ANKS1B: variants seen among roughly 807,000 people sequenced by gnomAD.
ANKS1B encodes ankyrin repeat and sterile alpha motif domain containing 1B, also known as ankyrin repeat and sterile alpha motif domain-containing protein 1B.
A neutral mutation model predicts 148.3 loss-of-function variants in ANKS1B; 36 were observed. The observed-to-expected ratio is 0.24, with a 90% CI of 0.19 to 0.32. The LOEUF (loss-of-function observed/expected upper bound fraction) is 0.32. Among genes scored for constraint, ANKS1B ranks in the 10% least tolerant of loss-of-function variants. The probability of loss-of-function intolerance (pLI) is 1.00; values close to 1 mark genes in which losing one functional copy is unlikely to be tolerated. For missense variants in ANKS1B, 1,157 were observed against 1,542.6 expected (o/e 0.75, Z 4.19); for synonymous variants, 542 against 560.8 (o/e 0.97, Z 0.47).
chr12:99,046,752 T>C (rs1433065829), intron 17 of ANKS1B, among the ~76,000 whole-genome samples: 1 of 147,636 alleles, frequency 6.8e-6, no homozygotes, highest in Non-Finnish European at 1.5e-5. Context: ...TGAGCAGAGA[T>C]TGCAGAGATT....
At chr12:99,328,368 A>G (rs2086881009) in intron 12 of ANKS1B, among the ~76,000 whole-genome samples, 1 of 151,956 alleles carries the variant, frequency 6.6e-6, no homozygotes, top group African/African-American at 2.4e-5. Context: ...TCGAATATTC[A>G]GTGCATGCAT....
chr12:99,198,990 C>T (rs2081729706), intron 14 of ANKS1B, among the ~76,000 whole-genome samples: 1 of 152,116 alleles, frequency 6.6e-6, no homozygotes, highest in Non-Finnish European at 1.5e-5. Flanking sequence ...GACACTCGAG[C>T]GGTCCTGTGG....
At chr12:98,798,668 C>A (rs766901883) in intron 22 of ANKS1B, among the ~76,000 whole-genome samples, 1 of 151,736 alleles carries the variant, frequency 6.6e-6, no homozygotes, top group African/African-American at 2.4e-5. Context: ...TTTCTAATCT[C>A]GAAAATGATA....
chr12:98,894,222 G>T (rs1044478460), intron 17 of ANKS1B, among the ~76,000 whole-genome samples: 1 of 152,162 alleles, frequency 6.6e-6, no homozygotes, highest in Non-Finnish European at 1.5e-5. Flanking sequence ...CAGCGCACCT[G>T]GAAATTACGT....
At chr12:99,510,567 T>G (rs1039776935) in intron 9 of ANKS1B, among the ~76,000 whole-genome samples, 2 of 151,974 alleles carry the variant, frequency 1.3e-5, no homozygotes, top group Non-Finnish European at 2.9e-5. Context: ...ATGATAAAAC[T>G]TGAATGGATG....
intron 14 of ANKS1B, among the ~76,000 whole-genome samples, chr12:99,199,292 A>G (rs2153895597): frequency 6.6e-6 from 1 of 152,370 alleles, no homozygotes; most frequent in Middle Eastern, 3.4e-3. Flanking sequence ...ACATGCAGCA[A>G]TAGATAACTA....
intron 12 of ANKS1B, among the ~76,000 whole-genome samples, chr12:99,249,238 A>G (rs1364667097): frequency 6.7e-6 from 1 of 150,152 alleles, no homozygotes; most frequent in Non-Finnish European, 1.5e-5. Context: ...CTATTGTGGG[A>G]AAAAGATTCT....
intron 1 of ANKS1B, among the ~76,000 whole-genome samples, chr12:99,934,026 G>A (rs2094693728): frequency 6.6e-6 from 1 of 152,000 alleles, no homozygotes; most frequent in Non-Finnish European, 1.5e-5. Context: ...CTAATGAAAT[G>A]ATCATATAGT....
At chr12:98,906,270 C>G (rs1052911076) in intron 17 of ANKS1B, among the ~76,000 whole-genome samples, 1 of 151,968 alleles carries the variant, frequency 6.6e-6, no homozygotes, top group Non-Finnish European at 1.5e-5. Context: ...CCCTGCAGGT[C>G]TGCTATATTG....
At chr12:98,876,664 G>C (rs748558714) in intron 17 of ANKS1B, among the ~76,000 whole-genome samples, 1 of 152,114 alleles carries the variant, frequency 6.6e-6, no homozygotes, top group African/African-American at 2.4e-5. Flanking sequence ...GTTATCTTTG[G>C]GTTTCTTTTG....
At chr12:99,824,329 G>A (rs11608606) in intron 2 of ANKS1B, among the ~76,000 whole-genome samples, 19,541 of 151,706 alleles carry the variant, frequency 0.13, 1,570 homozygotes, top group Non-Finnish European at 0.18. Flanking sequence ...GTGAAACCCC[G>A]TCTCTACTAA....
intron 17 of ANKS1B, among the ~76,000 whole-genome samples, chr12:98,855,854 T>A (rs1039836641): frequency 6.6e-6 from 1 of 152,192 alleles, no homozygotes; most frequent in Non-Finnish European, 1.5e-5. Flanking sequence ...TCATACAAAC[T>A]TTGTGTCTCT....
chr12:99,167,820 G>A (rs1409331144), intron 14 of ANKS1B, among the ~76,000 whole-genome samples: 6 of 152,152 alleles, frequency 3.9e-5, no homozygotes, highest in Admixed American at 3.9e-4. Flanking sequence ...CAGATGAATG[G>A]ATAAACAAAT....
chr12:99,085,741 T>A (rs550325110), intron 15 of ANKS1B, among the ~76,000 whole-genome samples: 3 of 152,306 alleles, frequency 2.0e-5, no homozygotes, highest in South Asian at 4.1e-4. Context: ...GAGGTCATTA[T>A]CCTTAGCAAA....
At chr12:99,301,169 C>G (rs1250564346) in intron 12 of ANKS1B, among the ~76,000 whole-genome samples, 2 of 152,194 alleles carry the variant, frequency 1.3e-5, no homozygotes, top group African/African-American at 4.8e-5. Flanking sequence ...TTCACCTTTT[C>G]ATTCTATCTG....
chr12:99,253,305 G>A (rs983446190), intron 12 of ANKS1B, among the ~76,000 whole-genome samples: 1 of 152,088 alleles, frequency 6.6e-6, no homozygotes, highest in African/African-American at 2.4e-5. Context: ...GAATAGCAAA[G>A]CACAGTGTTC....
At chr12:99,540,064 CAAAA>C (rs201088309) in intron 9 of ANKS1B, among the ~76,000 whole-genome samples, 2 of 146,250 alleles carry the variant, frequency 1.4e-5, no homozygotes, top group African/African-American at 5.0e-5. Flanking sequence ...TCACTAGAGA[CAAAA>C]AAAAAGACAT....
chr12:99,826,783 A>C (rs527267797), intron 1 of ANKS1B, among the ~76,000 whole-genome samples: 1 of 151,990 alleles, frequency 6.6e-6, no homozygotes, highest in African/African-American at 2.4e-5. Context: ...ACCATAAAAG[A>C]CCCCAAATAG....
At chr12:98,895,115 C>G in intron 17 of ANKS1B, 1 of 985,088 alleles carries the variant, frequency 1.0e-6, no homozygotes, top group Non-Finnish European at 1.2e-6. Context: ...GTCGGCTTGG[C>G]CGCCGGGGAG....
Sources: gnomAD v4.1 joint callset for allele counts (sites outside exome capture counted in the v4.1 genomes callset) on GRCh38, gnomAD v4.1.1 for gene constraint, MANE v1.5 for transcripts, NCBI Gene and HGNC (gene_info 2026-07-23, HGNC 2026-07-21) for gene names.